The following SORCS3 variants were observed in gnomAD, a reference collection of about 807,000 sequenced individuals.
The protein encoded by SORCS3 is VPS10 domain-containing receptor SorCS3.
SORCS3 carries 57 observed loss-of-function variants against 146.3 expected under a neutral mutation model. That is an observed-to-expected ratio of 0.39 (90% CI 0.31 to 0.49). The LOEUF is 0.49. SORCS3 is among the 20% of genes least tolerant of loss of function. The pLI, the probability that SORCS3 is intolerant of heterozygous loss-of-function variation, is 0.92. For synonymous variants in SORCS3, 653 were observed against 618.5 expected (o/e 1.06, Z -0.83); for missense variants, 1,341 against 1,575.5 (o/e 0.85, Z 2.52).
intron 1 of SORCS3, among the ~76,000 whole-genome samples, chr10:104,752,781 T>G (rs542380765): frequency 4.5e-4 from 69 of 152,324 alleles, no homozygotes; most frequent in African/African-American, 1.4e-3. Flanking sequence ...ATATAATAAT[T>G]AAGTTACTGT....
Position 105,015,306 on chromosome 10 carries a change from CACAT to C in SORCS3, c.955-27748_955-27745del, listed in dbSNP as rs2055158576. ...CCCTGGAGAAACACTTGCCAGGAGA[CACAT>C]GCATGAATGTTTACACATAATTTCT... On this transcript the variant is annotated intron_variant, in intron 4 of 26. Coordinates refer to ENST00000369701, the MANE Select transcript of SORCS3 (RefSeq NM_014978.3). 1.3e-5 allele frequency among the ~76,000 whole-genome samples: 2 copies of C among 152,132 alleles called. 1 individual carries two copies. Among genetic ancestry groups the C allele is most frequent in the South Asian group, 4.1e-4 (2 of 4,824 alleles).
chr10:104,975,797 A>G (rs1439752794), intron 3 of SORCS3, among the ~76,000 whole-genome samples: 2 of 152,230 alleles, frequency 1.3e-5, no homozygotes, highest in African/African-American at 4.8e-5. Context: ...CCTGAGAAAA[A>G]CCAGCAATGG....
intron 14 of SORCS3, among the ~76,000 whole-genome samples, chr10:105,199,077 G>A (rs192885774): frequency 6.6e-6 from 1 of 152,250 alleles, no homozygotes; most frequent in East Asian, 1.9e-4. Context: ...GTGTGATTAA[G>A]TCTTGCTGAA....
chr10:105,231,898 A>G (rs1022549276), intron 20 of SORCS3, among the ~76,000 whole-genome samples: 2 of 152,100 alleles, frequency 1.3e-5, no homozygotes, highest in Non-Finnish European at 1.5e-5. Context: ...ATTGGATTCA[A>G]TTTGCTAATG....
intron 14 of SORCS3, among the ~76,000 whole-genome samples, chr10:105,184,805 T>A (rs1374725866): frequency 2.0e-5 from 3 of 152,154 alleles, no homozygotes; most frequent in Non-Finnish European, 2.9e-5. Flanking sequence ...CTTTTGTGAG[T>A]TTTTTTGGGT....
rs528891525 is a variant in SORCS3, at chr10:104,879,712, G to T, written c.696-36121G>T. On this transcript the variant is annotated intron_variant, in intron 2 of 26. Transcript: ENST00000369701. ...GAGGGCCACTTGATGAGCAAAAGGG[G>T]TTTCCGCTGAATTTAGAAAAGGCAT... Among the ~76,000 whole-genome samples the T allele has an allele frequency of 1.7e-4, 26 of 152,302 alleles. No individual in the cohort carries two copies. In the South Asian group the frequency reaches 5.0e-3, roughly 29 times the overall value.
intron 5 of SORCS3, among the ~76,000 whole-genome samples, chr10:105,056,856 T>G (rs2055449187): frequency 1.3e-5 from 2 of 152,236 alleles, no homozygotes; most frequent in Non-Finnish European, 2.9e-5. Flanking sequence ...TCTTCCTTTC[T>G]TGCTCTCTTT....
At chr10:105,118,643 A>G (rs2055909952) in intron 7 of SORCS3, among the ~76,000 whole-genome samples, 1 of 152,136 alleles carries the variant, frequency 6.6e-6, no homozygotes, top group Non-Finnish European at 1.5e-5. Flanking sequence ...AATTGCTGAT[A>G]GTGATATGGA....
intron 4 of SORCS3, among the ~76,000 whole-genome samples, chr10:104,998,544 C>T (rs2055040468): frequency 6.6e-6 from 1 of 152,078 alleles, no homozygotes; most frequent in Non-Finnish European, 1.5e-5. Flanking sequence ...TCCTTCAGGG[C>T]AGTTATTTTT....
At chr10:104,843,354 G>A (rs1314712366) in intron 2 of SORCS3, among the ~76,000 whole-genome samples, 1 of 152,152 alleles carries the variant, frequency 6.6e-6, no homozygotes, top group Admixed American at 6.5e-5. Context: ...CTGATCCCCA[G>A]GCAATTTTGC....
intron 25 of SORCS3, among the ~76,000 whole-genome samples, chr10:105,261,696 G>A (rs186718434): frequency 6.1e-4 from 93 of 152,276 alleles, no homozygotes; most frequent in Middle Eastern, 3.4e-3. Flanking sequence ...TCTGCCTTGC[G>A]TTTCCAAATC....
chr10:104,793,497 C>T (rs1480230358), intron 1 of SORCS3, among the ~76,000 whole-genome samples: 2 of 151,992 alleles, frequency 1.3e-5, no homozygotes, highest in Non-Finnish European at 2.9e-5. Flanking sequence ...AAGTTGAGGT[C>T]TGTGGTATTA....
chr10:105,140,295 C>A (rs1338587851), intron 8 of SORCS3, among the ~76,000 whole-genome samples: 1 of 151,948 alleles, frequency 6.6e-6, no homozygotes, highest in Non-Finnish European at 1.5e-5. Context: ...AATTTCCTAC[C>A]CCCAGTTGTT....
intron 10 of SORCS3, 108 bp downstream of exon 10, chr10:105,157,392 G>A (rs889150668): frequency 1.5e-6 from 2 of 1,343,926 alleles, no homozygotes; most frequent in African/African-American, 1.5e-5. Context: ...AGGTGGTGCA[G>A]AGCAGTAATT....
chr10:105,028,857 C>T (rs2055247036), intron 4 of SORCS3, among the ~76,000 whole-genome samples: 1 of 152,142 alleles, frequency 6.6e-6, no homozygotes, highest in Non-Finnish European at 1.5e-5. Flanking sequence ...GGATAAAGTT[C>T]CACTGTCAGC....
Position 104,915,835 on chromosome 10 carries a change from C to A in SORCS3, c.698C>A (p.Ser233Ter). 6.2e-7 allele frequency: 1 copy of A among 1,613,746 alleles called. No individual in the cohort carries two copies. Among genetic ancestry groups the A allele is most frequent in the Non-Finnish European group, 8.5e-7 (1 of 1,179,760 alleles). The change falls in exon 3 of 27, where the codon TCG (serine) becomes TAG (stop). Residue 233 changes from serine to a stop codon, truncating the protein, a stop_gained and splice_region_variant. Coordinates refer to ENST00000369701, the MANE Select transcript of SORCS3 (RefSeq NM_014978.3). LOFTEE classifies it high-confidence loss of function. The part of the protein sequence containing the change: ...GSVTESSLWR[S>*]TDYGTTYEKL... Reference sequence around the variant, plus strand: ...TCTGTTTTCTCTTTTACCTGCAGGTCGACAGATTATGGCACCACCTATGAA... The same window carrying A: ...TCTGTTTTCTCTTTTACCTGCAGGTAGACAGATTATGGCACCACCTATGAA...
At chr10:105,243,834 G>T (rs2056850878) in intron 20 of SORCS3, among the ~76,000 whole-genome samples, 1 of 152,210 alleles carries the variant, frequency 6.6e-6, no homozygotes, top group African/African-American at 2.4e-5. Flanking sequence ...TTCAAGGCCA[G>T]TTGAAAAGTC....
intron 1 of SORCS3, among the ~76,000 whole-genome samples, chr10:104,754,377 T>C (rs2017022850): frequency 6.6e-6 from 1 of 152,150 alleles, no homozygotes; most frequent in Non-Finnish European, 1.5e-5. Context: ...CTCCAGGTGA[T>C]TGGATTGTAT....
chr10:105,226,495 G>A (rs1234624691), intron 20 of SORCS3, among the ~76,000 whole-genome samples: 1 of 151,662 alleles, frequency 6.6e-6, no homozygotes, highest in Non-Finnish European at 1.5e-5. Context: ...TATATTCATC[G>A]AGCCTATTGG....
Sources: allele counts gnomAD v4.1 joint callset (sites outside exome capture counted in the v4.1 genomes callset), GRCh38; gene constraint gnomAD v4.1.1; transcripts MANE v1.5; gene names NCBI Gene and HGNC (gene_info 2026-07-23, HGNC 2026-07-21).